Variants in LDLRAD4 observed in about 807,000 individuals in gnomAD.
LDLRAD4 encodes low-density lipoprotein receptor class A domain-containing protein 4.
A neutral mutation model predicts 17.0 loss-of-function variants in LDLRAD4; 5 were observed. The observed-to-expected ratio is 0.29, with a 90% CI of 0.15 to 0.62. LDLRAD4 has a LOEUF of 0.62. Ranked by LOEUF, LDLRAD4 falls within the 20% of genes least tolerant of loss-of-function variation. The pLI, the probability that LDLRAD4 is intolerant of heterozygous loss-of-function variation, is 0.84. For missense variants in LDLRAD4, 340 were observed against 424.7 expected, an observed-to-expected ratio of 0.80 and a Z score of 1.75; for synonymous variants, 168 against 171.8, an observed-to-expected ratio of 0.98 and a Z score of 0.17.
chr18:13,496,785 A>G (rs1276113555), intron 3 of LDLRAD4, among the ~76,000 whole-genome samples: 1 of 152,220 alleles, frequency 6.6e-6, no homozygotes, highest in African/African-American at 2.4e-5. Context: ...AAACCACTGC[A>G]TTAATGCAAA....
intron 3 of LDLRAD4, among the ~76,000 whole-genome samples, chr18:13,559,950 T>C (rs1392483481): frequency 6.6e-6 from 1 of 152,162 alleles, no homozygotes; most frequent in African/African-American, 2.4e-5. Context: ...GATGTTGGTC[T>C]GCCGTTGCAT....
chr18:13,391,828 C>G (rs2086294436), intron 2 of LDLRAD4, among the ~76,000 whole-genome samples: 1 of 152,174 alleles, frequency 6.6e-6, no homozygotes, highest in Non-Finnish European at 1.5e-5. Flanking sequence ...CTTGATCATT[C>G]CCTTTTAACA....
chr18:13,524,152 T>G (rs1444114425), intron 3 of LDLRAD4, among the ~76,000 whole-genome samples: 1 of 152,232 alleles, frequency 6.6e-6, no homozygotes, highest in Non-Finnish European at 1.5e-5. Flanking sequence ...GAGAGGAGCC[T>G]CAGAGCACCA....
In LDLRAD4 at chr18:13,300,293, C is replaced by T. The variant is rs1405675827; in HGVS notation, c.-383+22105C>T. 4.6e-5 allele frequency among the ~76,000 whole-genome samples: 7 copies of T among 152,308 alleles called. No individual in the cohort carries two copies. The highest frequency in any genetic ancestry group is 1.4e-4 in the African/African-American group (6 of 41,570). ...CCTCTTCCCACTCTCCTGCCCACCC[C>T]GCGCCTGTGCTCTGCCTCAGCCACA... On this transcript the variant is annotated intron_variant, in intron 1 of 5. Coordinates refer to ENST00000359446, the Ensembl canonical transcript of LDLRAD4. This position sits in a 1 kb window ranked among gnomAD's most constrained non-coding sequence, Gnocchi z 4.2.
intron 1 of LDLRAD4, among the ~76,000 whole-genome samples, chr18:13,305,253 CAT>C (rs2046843882): frequency 6.6e-6 from 1 of 152,162 alleles, no homozygotes; most frequent in Non-Finnish European, 1.5e-5. Flanking sequence ...TACATATATA[CAT>C]GGTACCATTT....
At chr18:13,476,592 C>G (rs975613983) in intron 3 of LDLRAD4, among the ~76,000 whole-genome samples, 2 of 149,818 alleles carry the variant, frequency 1.3e-5, no homozygotes, top group Non-Finnish European at 3.0e-5. Context: ...CCACTGTACT[C>G]CAGCCTGGGC....
At chr18:13,297,389 C>G (rs569804910) in intron 1 of LDLRAD4, among the ~76,000 whole-genome samples, 17 of 152,188 alleles carry the variant, frequency 1.1e-4, no homozygotes, top group Admixed American at 2.0e-4. Context: ...ACCCTCATTA[C>G]CTACCAGAGC....
intron 3 of LDLRAD4, among the ~76,000 whole-genome samples, chr18:13,516,649 A>C (rs1281835500): frequency 6.6e-6 from 1 of 152,248 alleles, no homozygotes; most frequent in African/African-American, 2.4e-5. Context: ...GTCTGAGAGC[A>C]TCAGTGTATT....
intron 2 of LDLRAD4, among the ~76,000 whole-genome samples, chr18:13,427,755 A>G (rs1429431116): frequency 6.6e-6 from 1 of 152,244 alleles, no homozygotes; most frequent in Non-Finnish European, 1.5e-5. Context: ...TAAAAAAACC[A>G]TGTGGCCAGT....
At chr18:13,364,396 G>A (rs2083907211) in intron 1 of LDLRAD4, among the ~76,000 whole-genome samples, 1 of 152,054 alleles carries the variant, frequency 6.6e-6, no homozygotes, top group Non-Finnish European at 1.5e-5. Flanking sequence ...GAAGTGCGGT[G>A]GTGTGGTCAT....
chr18:13,610,265 ATTTTTTTTTTTTTTTTTTTTTTT>A (rs1157718015), intron 3 of LDLRAD4, among the ~76,000 whole-genome samples: 1 of 62,480 alleles, frequency 1.6e-5, no homozygotes, highest in African/African-American at 5.4e-5. Context: ...CAAAGCCCTA[ATTTTTTTTTTTTTTTTTTTTTTT>A]TTTTTTTTTT....
intron 3 of LDLRAD4, chr18:13,611,791 C>G: frequency 1.0e-6 from 1 of 985,488 alleles, no homozygotes. Flanking sequence ...GAAGAGCGAG[C>G]CGGGGGGAAA....
At chr18:13,497,586 T>G (rs1476133758) in intron 3 of LDLRAD4, among the ~76,000 whole-genome samples, 1 of 152,174 alleles carries the variant, frequency 6.6e-6, no homozygotes, top group Non-Finnish European at 1.5e-5. Flanking sequence ...TTTTTAACCC[T>G]TTTTAATTAT....
intron 1 of LDLRAD4, among the ~76,000 whole-genome samples, chr18:13,361,135 T>C (rs1187140235): frequency 1.3e-5 from 2 of 152,180 alleles, no homozygotes. Context: ...CCCTCCCGTT[T>C]TGACTCAAAA....
intron 3 of LDLRAD4, among the ~76,000 whole-genome samples, chr18:13,582,315 C>T (rs1284747192): frequency 6.6e-6 from 1 of 152,214 alleles, no homozygotes. Context: ...TATATCAGTT[C>T]TGTGTGCACT....
At chr18:13,610,747 G>C (rs531613717) in intron 3 of LDLRAD4, among the ~76,000 whole-genome samples, 1 of 152,178 alleles carries the variant, frequency 6.6e-6, no homozygotes. Flanking sequence ...AGGGGCGCTG[G>C]TAGCCAGGGA....
chr18:13,265,310 A>G lies in LDLRAD4; in HGVS notation c.-466-12795A>G, dbSNP rs1159173147. ...CACCTAGTGGCAGGGCTGACCTGTC[A>G]CTGCGTAGCTTTGAAGGTCAACGCC... On this transcript the variant is annotated intron_variant, in intron 1 of 5. Coordinates refer to the LDLRAD4 transcript ENST00000399848. Among the ~76,000 whole-genome samples the G allele has an allele frequency of 2.0e-4, 31 of 152,102 alleles. 1 individual carries two copies.
chr18:13,406,474 C>A (rs1242873379), intron 2 of LDLRAD4, among the ~76,000 whole-genome samples: 1 of 152,164 alleles, frequency 6.6e-6, no homozygotes, highest in Non-Finnish European at 1.5e-5. Context: ...AGAACACCAA[C>A]ACGAGGATAT....
At chr18:13,321,976 C>T (rs2081271984) in intron 1 of LDLRAD4, among the ~76,000 whole-genome samples, 1 of 147,536 alleles carries the variant, frequency 6.8e-6, no homozygotes, top group African/African-American at 2.5e-5. Flanking sequence ...AATTGAAAGC[C>T]AGAATAATTA....
Sources: allele counts gnomAD v4.1 joint callset (sites outside exome capture counted in the v4.1 genomes callset), GRCh38; gene constraint gnomAD v4.1.1; non-coding constraint Gnocchi (gnomAD v3.1); transcripts MANE v1.5; gene names NCBI Gene and HGNC (gene_info 2026-07-23, HGNC 2026-07-21).